CHSY1: variants seen among roughly 807,000 people sequenced by gnomAD.
The protein encoded by CHSY1 is chondroitin sulfate synthase 1.
CHSY1 carries 13 observed loss-of-function variants against 59.8 expected under a neutral mutation model. The observed-to-expected ratio is 0.22, with a 90% CI of 0.14 to 0.35. The LOEUF is 0.35. CHSY1 is among the 10% of genes least tolerant of loss of function. CHSY1 has a pLI of 1.00. For synonymous variants in CHSY1, 459 were observed against 401.2 expected, an observed-to-expected ratio of 1.14 and a Z score of -1.72; for missense variants, 947 against 1,030.6, an observed-to-expected ratio of 0.92 and a Z score of 1.11.
Position 101,177,442 on chromosome 15 carries a change from A to G in CHSY1, c.2355T>C (p.Asn785=). ...QQLAEMWLEK[N]DPSYSKSSNN... ...TGCTGCTTTTACTGTAACTTGGATC[A>G]TTTTTTTCCAGCCACATCTCAGCCA... The change falls in exon 3 of 3, where the codon AAT becomes AAC. Residue 785 remains asparagine (N), a synonymous_variant. Transcript: ENST00000254190. 1 of 1,612,272 alleles carries G rather than the reference A, an allele frequency of 6.2e-7. No individual in the cohort carries two copies. Among genetic ancestry groups the G allele is most frequent in the Non-Finnish European group, 8.5e-7 (1 of 1,179,026 alleles).
At chr15:101,213,705 C>T (rs1200979100) in intron 2 of CHSY1, among the ~76,000 whole-genome samples, 3 of 152,296 alleles carry the variant, frequency 2.0e-5, no homozygotes, top group Non-Finnish European at 4.4e-5. Flanking sequence ...CAAAACACTA[C>T]AGCAGCACAG....
rs2039117660 is a variant in CHSY1, at chr15:101,251,731, G to A, written c.-275C>T. 6.7e-6 allele frequency: 1 copy of A among 148,616 alleles called. No homozygotes were observed. The highest frequency in any genetic ancestry group is 2.4e-5 in the African/African-American group (1 of 40,990). 9.2% of individuals were successfully genotyped at this position (148,616 alleles called of 1,614,324 possible). A position where few individuals can be genotyped will look rare whatever the true frequency, so the allele number is the denominator to read the frequency against. On this transcript the variant is annotated 5_prime_UTR_variant, in exon 1 of 3. Coordinates refer to ENST00000254190, the MANE Select transcript of CHSY1 (RefSeq NM_014918.5). The stretch of plus-strand genomic sequence containing the variant: ...GCGCTAGCGGCGGCTCGGGCGCGAG[G>A]TGGCGGCGGCTCCTCCCGCTCGCGC...
At chr15:101,243,014 G>C (rs2039017439) in intron 1 of CHSY1, among the ~76,000 whole-genome samples, 2 of 152,176 alleles carry the variant, frequency 1.3e-5, no homozygotes, top group Non-Finnish European at 2.9e-5. Context: ...CTAAAAAATA[G>C]ACTTGAGGGG....
At chr15:101,234,985 A>C (rs1014454669) in intron 2 of CHSY1, 97 bp downstream of exon 2, 2 of 1,498,468 alleles carry the variant, frequency 1.3e-6, no homozygotes, top group Non-Finnish European at 1.8e-6. Context: ...TCAACCCTCA[A>C]AGAGGATATC....
chr15:101,243,586 A>C (rs1354282132), intron 1 of CHSY1, among the ~76,000 whole-genome samples: 2 of 152,162 alleles, frequency 1.3e-5, no homozygotes, highest in Non-Finnish European at 2.9e-5. Context: ...GTGGTCACCC[A>C]CATCACTTTT....
In CHSY1 at chr15:101,235,525, A is replaced by G; in HGVS notation, c.373T>C (p.Ser125Pro). 1 of 1,613,734 alleles carries G rather than the reference A, an allele frequency of 6.2e-7. No homozygotes were observed. ...GKVQFFSSEG[S>P]DTSVPIPVVP... ...ACTGGAATTGGTACAGATGTGTCAG[A>G]ACCCTCACTTGAGAAGAACTGAACT... The change falls in exon 2 of 3, where the codon TCT becomes CCT. Residue 125 changes from serine (S) to proline (P), a missense_variant. Transcript: ENST00000254190.
chr15:101,249,649 G>GTA (rs1219120624), intron 1 of CHSY1, among the ~76,000 whole-genome samples: 1 of 151,636 alleles, frequency 6.6e-6, no homozygotes, highest in Non-Finnish European at 1.5e-5. Context: ...GAGTGGCTGG[G>GTA]ACTACAGGTG....
At chr15:101,249,783 A>G (rs1365137684) in intron 1 of CHSY1, among the ~76,000 whole-genome samples, 1 of 152,088 alleles carries the variant, frequency 6.6e-6, no homozygotes, top group African/African-American at 2.4e-5. Flanking sequence ...CCAAAGTGCT[A>G]GAATTACAGG....
Position 101,177,293 on chromosome 15 carries a change from T to C in CHSY1, c.*95A>G, listed in dbSNP as rs778375654. On this transcript the variant is annotated 3_prime_UTR_variant, in exon 3 of 3. Transcript: ENST00000254190. ...ATGTAAGAAAACCACTTGTAAAATA[T>C]ATCCTTGTATACGGACTTCAAAAAC... 1.4e-4 allele frequency: 169 copies of C among 1,188,730 alleles called. No homozygotes were observed. The highest frequency in any genetic ancestry group is 1.9e-4 in the Non-Finnish European group (162 of 848,682). 73.6% of individuals were successfully genotyped at this position (1,188,730 alleles called of 1,614,324 possible). A position where few individuals can be genotyped will look rare whatever the true frequency, so the allele number is the denominator to read the frequency against.
Position 101,178,464 on chromosome 15 carries a change from C to T in CHSY1, c.1333G>A (p.Ala445Thr). 2 of 1,614,234 alleles carry T rather than the reference C, an allele frequency of 1.2e-6. No individual in the cohort carries two copies. The highest frequency in any genetic ancestry group is 1.7e-6 in the Non-Finnish European group (2 of 1,180,044). ...GYRRVNPMYG[A>T]EYILDLLLLY... ...AGCAGCAGGTCCAGGATGTACTCAG[C>T]CCCATACATGGGGTTCACCCGGCGG... The change falls in exon 3 of 3, where the codon GCT (alanine) becomes ACT (threonine). Residue 445 changes from alanine to threonine, a missense_variant. Coordinates refer to ENST00000254190, the MANE Select transcript of CHSY1 (RefSeq NM_014918.5).
At position 101,251,193 on chromosome 15, in the gene CHSY1, G is replaced by A. The variant is rs1264165567; in HGVS notation, c.264C>T (p.Phe88=). 23 of 1,600,746 alleles carry A rather than the reference G, an allele frequency of 1.4e-5. No individual in the cohort carries two copies. In the South Asian group the frequency reaches 2.1e-4, roughly 15 times the overall value. The change falls in exon 1 of 3, where the codon TTC becomes TTT. Residue 88 remains phenylalanine, a synonymous_variant. Coordinates refer to ENST00000254190, the MANE Select transcript of CHSY1 (RefSeq NM_014918.5). ...ATTTCTGGGCGGTCATGACTCCCAC[G>A]AAGAGAAAGTTCCTGTCGCGCGGGC... is the stretch of plus-strand genomic sequence containing the variant. The part of the protein sequence containing the change: ...DGGPRDRNFL[F]VGVMTAQKYL...
chr15:101,241,138 C>G (rs1297172932), intron 1 of CHSY1, among the ~76,000 whole-genome samples: 1 of 152,178 alleles, frequency 6.6e-6, no homozygotes, highest in East Asian at 1.9e-4. Flanking sequence ...CCCTGTCGCC[C>G]AGGCTGGAGT....
intron 2 of CHSY1, among the ~76,000 whole-genome samples, chr15:101,188,744 A>C (rs1000460004): frequency 1.3e-4 from 20 of 152,242 alleles, no homozygotes; most frequent in Non-Finnish European, 1.5e-4. Context: ...TAGTAATTCA[A>C]GGCTTCTGCA....
At position 101,176,462 on chromosome 15, in the gene CHSY1, G is replaced by A. The variant is rs144560619; in HGVS notation, c.*926C>T. The A allele has an allele frequency of 1.3e-4, 51 of 398,408 alleles. No homozygotes were observed. In the East Asian group the frequency reaches 1.6e-3, roughly 13 times the overall value. 24.7% of individuals were successfully genotyped at this position (398,408 alleles called of 1,614,324 possible). A position where few individuals can be genotyped will look rare whatever the true frequency, so the allele number is the denominator to read the frequency against. Reference sequence around the variant, plus strand: ...TTAATATTTTACCCTTTAAAGAGAAGGGTCAAGAAGAGAAAATGCCAAATC... The same window carrying A: ...TTAATATTTTACCCTTTAAAGAGAAAGGTCAAGAAGAGAAAATGCCAAATC... On this transcript the variant is annotated 3_prime_UTR_variant, in exon 3 of 3. Coordinates refer to ENST00000254190, the MANE Select transcript of CHSY1 (RefSeq NM_014918.5).
chr15:101,224,241 G>A (rs1488696789), intron 2 of CHSY1, among the ~76,000 whole-genome samples: 1 of 152,186 alleles, frequency 6.6e-6, no homozygotes, highest in East Asian at 1.9e-4. Context: ...ACTGCATCTG[G>A]TTATACAACT....
rs369027078 is a variant in CHSY1, at chr15:101,178,310, C to T, written c.1487G>A (p.Arg496Lys). The T allele has an allele frequency of 8.1e-6, 13 of 1,609,088 alleles. No individual in the cohort carries two copies. Among genetic ancestry groups the T allele is most frequent in the African/African-American group, 1.3e-5 (1 of 74,886 alleles). Residue 496 changes from arginine to lysine, a missense_variant, in exon 3 of 3, where the codon AGA (arginine) becomes AAA (lysine). Physicochemically the swap from Arg to Lys is conservative, Grantham distance 26. Around this residue, in one of 4 missense-constraint regions of CHSY1, gnomAD observed 602 missense variants for 676.9 expected, o/e 0.89. Transcript: ENST00000254190. Reference protein sequence around the residue: ...EELDAQELAKRINQESGSLSF... With the variant: ...EELDAQELAKKINQESGSLSF... ...CAAGGATCCAGATTCCTGATTGATT[C>T]TCTTGGCCAACTCTTGTGCATCCAG...
At chr15:101,198,545 G>A (rs1033229916) in intron 2 of CHSY1, among the ~76,000 whole-genome samples, 10 of 152,160 alleles carry the variant, frequency 6.6e-5, no homozygotes, top group African/African-American at 1.9e-4. Context: ...TCTACTTTCC[G>A]AGTGGCATTT....
chr15:101,177,238 G>T lies in CHSY1; in HGVS notation c.*150C>A. The T allele has an allele frequency of 1.5e-6, 1 of 686,228 alleles. No individual in the cohort carries two copies. Among genetic ancestry groups the T allele is most frequent in the Non-Finnish European group, 2.4e-6 (1 of 421,980 alleles). 42.5% of individuals were successfully genotyped at this position (686,228 alleles called of 1,614,324 possible). On this transcript the variant is annotated 3_prime_UTR_variant, in exon 3 of 3. Coordinates refer to ENST00000254190, the MANE Select transcript of CHSY1 (RefSeq NM_014918.5). ...AAAGGCAAACACTGATCACCTTCTT[G>T]TTCAGAAAGCTCAATCTTAAAGGAG...
intron 2 of CHSY1, among the ~76,000 whole-genome samples, chr15:101,219,389 T>C (rs1374491108): frequency 6.6e-6 from 1 of 152,230 alleles, no homozygotes; most frequent in Non-Finnish European, 1.5e-5. Flanking sequence ...GCTGAGGCCC[T>C]GGTAGATTTC....
Sources: gnomAD v4.1 joint callset for allele counts (sites outside exome capture counted in the v4.1 genomes callset) on GRCh38, gnomAD v4.1.1 for gene constraint, gnomAD v4.1.1 regional missense constraint, MANE v1.5 for transcripts, NCBI Gene and HGNC (gene_info 2026-07-23, HGNC 2026-07-21) for gene names.